The following GNAQ variants were observed in gnomAD, a reference collection of about 807,000 sequenced individuals.
GNAQ encodes guanine nucleotide-binding protein G(q) subunit alpha.
GNAQ carries 8 observed loss-of-function variants against 43.9 expected under a neutral mutation model. That is an observed-to-expected ratio of 0.18 (90% CI 0.11 to 0.33). The LOEUF is 0.33. GNAQ is among the 10% of genes least tolerant of loss of function. The pLI, the probability that GNAQ is intolerant of heterozygous loss-of-function variation, is 1.00. For missense variants in GNAQ, 158 were observed against 450.8 expected (o/e 0.35, Z 5.88); for synonymous variants, 155 against 170.7 (o/e 0.91, Z 0.71).
At chr9:77,879,750 A>G (rs1012597980) in intron 2 of GNAQ, among the ~76,000 whole-genome samples, 4 of 152,250 alleles carry the variant, frequency 2.6e-5, no homozygotes, top group Non-Finnish European at 5.9e-5. Context: ...AGAGGCAGAT[A>G]TGATACGGTG....
intron 2 of GNAQ, among the ~76,000 whole-genome samples, chr9:77,906,743 T>C (rs1043095884): frequency 6.6e-6 from 1 of 152,264 alleles, no homozygotes; most frequent in Non-Finnish European, 1.5e-5. Context: ...AATATTAACA[T>C]ACTTTGCTGC....
intron 5 of GNAQ, among the ~76,000 whole-genome samples, chr9:77,763,682 G>A (rs541228603): frequency 3.9e-5 from 6 of 152,328 alleles, no homozygotes; most frequent in Admixed American, 1.3e-4. Flanking sequence ...CTGTTACTGT[G>A]AATACGACTG....
intron 1 of GNAQ, among the ~76,000 whole-genome samples, chr9:77,951,768 T>C (rs989893990): frequency 6.6e-6 from 1 of 152,108 alleles, no homozygotes; most frequent in Admixed American, 6.6e-5. Flanking sequence ...GGGAAGGTGG[T>C]GAAGGGGGTC....
intron 1 of GNAQ, among the ~76,000 whole-genome samples, chr9:77,931,278 T>C (rs1829145703): frequency 6.6e-6 from 1 of 151,750 alleles, no homozygotes; most frequent in Admixed American, 6.6e-5. Flanking sequence ...AGCATTAGAC[T>C]TTTGCTCACT....
rs534696766 is a variant in GNAQ, at chr9:77,943,873, GC to G, written c.137-21529del. ...GTAGAGATGTGGTTTTGCCATGATGGCCAGGCTGGTCTCCAACTCCCTACCT... is the reference window on the plus strand; with the variant it reads ...GTAGAGATGTGGTTTTGCCATGATGGCAGGCTGGTCTCCAACTCCCTACCT... On this transcript the variant is annotated intron_variant, in intron 1 of 6. Coordinates refer to ENST00000286548, the MANE Select transcript of GNAQ (RefSeq NM_002072.5). Among the ~76,000 whole-genome samples, 129 of 151,940 alleles carry G rather than the reference GC, an allele frequency of 8.5e-4. 1 individual carries two copies. The highest frequency in any genetic ancestry group is 1.5e-3 in the Non-Finnish European group (102 of 67,946).
intron 5 of GNAQ, among the ~76,000 whole-genome samples, chr9:77,756,905 A>G: frequency 6.6e-6 from 1 of 152,170 alleles, no homozygotes; most frequent in East Asian, 1.9e-4. Context: ...GACCTATCCA[A>G]TCCCACCCTA....
intron 2 of GNAQ, among the ~76,000 whole-genome samples, chr9:77,828,985 G>A (rs1011002596): frequency 9.2e-5 from 14 of 152,156 alleles, no homozygotes; most frequent in Non-Finnish European, 1.5e-5. Context: ...ACAGAGCAAG[G>A]CCCTGGACTT....
chr9:77,737,856 T>C lies in GNAQ; in HGVS notation c.736-9189A>G, dbSNP rs1825597607. Among the ~76,000 whole-genome samples the C allele has an allele frequency of 2.6e-5, 4 of 152,334 alleles. No individual in the cohort carries two copies. The South Asian group carries it at 6.2e-4, about 24-fold the overall frequency. On this transcript the variant is annotated intron_variant, in intron 5 of 6. Transcript: ENST00000286548. ...CTGTTCCCATTGCATCCTAGGTCAT[T>C]TGCTTATAGAAATAGCTCATTTGCT... is the stretch of plus-strand genomic sequence containing the variant.
chr9:78,000,054 T>C (rs930528015), intron 1 of GNAQ, among the ~76,000 whole-genome samples: 18 of 152,174 alleles, frequency 1.2e-4, no homozygotes, highest in Non-Finnish European at 1.5e-5. Context: ...AATTTACTTG[T>C]ACGAGACACT....
chr9:77,964,172 A>G (rs773410816), intron 1 of GNAQ, among the ~76,000 whole-genome samples: 51 of 152,344 alleles, frequency 3.3e-4, no homozygotes, highest in Non-Finnish European at 6.9e-4. Flanking sequence ...TATCAGAAAT[A>G]AAAACAATCA....
chr9:77,992,016 C>T (rs1057021265), intron 1 of GNAQ, among the ~76,000 whole-genome samples: 2 of 152,184 alleles, frequency 1.3e-5, no homozygotes, highest in Admixed American at 1.3e-4. Flanking sequence ...GCAAATTGTG[C>T]AGCTATAAGC....
At chr9:77,832,087 C>CTT (rs34672083) in intron 2 of GNAQ, among the ~76,000 whole-genome samples, 61,920 of 145,944 alleles carry the variant, frequency 0.42, 15,380 homozygotes, top group Non-Finnish European at 0.57. Context: ...GATTAGAGCA[C>CTT]TTTTTTTTTT....
chr9:77,979,250 G>A (rs1464217027), intron 1 of GNAQ, among the ~76,000 whole-genome samples: 1 of 151,818 alleles, frequency 6.6e-6, no homozygotes, highest in East Asian at 1.9e-4. Flanking sequence ...CAGTTACTCG[G>A]GACGCTGAGG....
At chr9:77,828,059 CAAAAAAAAAAAA>C (rs71360654) in intron 2 of GNAQ, among the ~76,000 whole-genome samples, 41 of 19,242 alleles carry the variant, frequency 2.1e-3, no homozygotes, top group East Asian at 0.015. Flanking sequence ...GACTCCTCCT[CAAAAAAAAAAAA>C]AAAAAAAAAA....
At chr9:78,001,697 C>A (rs994669801) in intron 1 of GNAQ, among the ~76,000 whole-genome samples, 9 of 151,894 alleles carry the variant, frequency 5.9e-5, no homozygotes, top group African/African-American at 1.9e-4. Context: ...TTTACTGAGA[C>A]CCTCTCATGA....
At chr9:77,957,642 G>T (rs1022292726) in intron 1 of GNAQ, among the ~76,000 whole-genome samples, 2 of 152,142 alleles carry the variant, frequency 1.3e-5, no homozygotes, top group South Asian at 2.1e-4. Flanking sequence ...GTGAAAGAAA[G>T]GTCAGATATA....
At chr9:77,917,363 G>A (rs981002220) in intron 2 of GNAQ, among the ~76,000 whole-genome samples, 5 of 152,096 alleles carry the variant, frequency 3.3e-5, no homozygotes, top group East Asian at 1.9e-4. Context: ...TAAAGAGGGC[G>A]GAAGGAGGGT....
intron 1 of GNAQ, among the ~76,000 whole-genome samples, chr9:78,016,113 G>A (rs73461703): frequency 0.011 from 1,670 of 152,158 alleles, 41 homozygotes; most frequent in African/African-American, 0.038. Context: ...AACTCAAAGT[G>A]TAAGACCTAA....
intron 2 of GNAQ, among the ~76,000 whole-genome samples, chr9:77,859,029 G>C (rs1319110323): frequency 2.0e-5 from 3 of 151,894 alleles, no homozygotes. Flanking sequence ...TTACTTCTTT[G>C]CCTAACACAT....
Sources: gnomAD v4.1 joint callset for allele counts (sites outside exome capture counted in the v4.1 genomes callset) on GRCh38, gnomAD v4.1.1 for gene constraint, MANE v1.5 for transcripts, NCBI Gene and HGNC (gene_info 2026-07-23, HGNC 2026-07-21) for gene names.